ATP9B: variants seen among roughly 807,000 people sequenced by gnomAD.
The protein encoded by ATP9B is ATPase phospholipid transporting 9B.
ATP9B carries 110 observed loss-of-function variants against 146.1 expected under a neutral mutation model. The observed-to-expected ratio is 0.75, with a 90% CI of 0.65 to 0.88. The LOEUF (loss-of-function observed/expected upper bound fraction) is 0.88. Among genes scored for constraint, ATP9B ranks in the 40% least tolerant of loss-of-function variants. The pLI is 0.00. For missense variants in ATP9B, 1,499 were observed against 1,496.4 expected (o/e 1.00, Z -0.03); for synonymous variants, 604 against 569.7 (o/e 1.06, Z -0.86).
chr18:79,243,531 CAGA>C (rs1404889471), intron 11 of ATP9B, among the ~76,000 whole-genome samples: 2 of 152,176 alleles, frequency 1.3e-5, no homozygotes, highest in Non-Finnish European at 2.9e-5. Context: ...CCAAGAAACA[CAGA>C]AGGAGAGTGT....
intron 8 of ATP9B, among the ~76,000 whole-genome samples, chr18:79,178,032 G>A (rs932151131): frequency 6.6e-6 from 1 of 152,220 alleles, no homozygotes; most frequent in African/African-American, 2.4e-5. Context: ...GATTGGAGAG[G>A]TTGGGCAGTT....
intron 15 of ATP9B, among the ~76,000 whole-genome samples, chr18:79,322,449 G>A (rs1433121228): frequency 1.3e-5 from 2 of 152,198 alleles, no homozygotes; most frequent in Non-Finnish European, 2.9e-5. Context: ...CTCGGGGCAC[G>A]GTCAGGCAGC....
intron 21 of ATP9B, among the ~76,000 whole-genome samples, chr18:79,344,916 G>A (rs370457317): frequency 5.3e-5 from 8 of 152,306 alleles, no homozygotes; most frequent in South Asian, 2.1e-4. Flanking sequence ...GGTGGCCCCC[G>A]GCTGAGGGAA....
intron 12 of ATP9B, among the ~76,000 whole-genome samples, chr18:79,271,479 A>G (rs1206872278): frequency 6.6e-6 from 1 of 151,578 alleles, no homozygotes; most frequent in Non-Finnish European, 1.5e-5. Context: ...ATGAGTGAGA[A>G]CATGCGGTGT....
chr18:79,304,114 A>G (rs2096608254), intron 14 of ATP9B, among the ~76,000 whole-genome samples: 1 of 152,150 alleles, frequency 6.6e-6, no homozygotes, highest in East Asian at 1.9e-4. Flanking sequence ...TTTTCGGTAG[A>G]TAAAAGTAGA....
At chr18:79,302,755 A>G (rs2096599402) in intron 13 of ATP9B, among the ~76,000 whole-genome samples, 1 of 152,216 alleles carries the variant, frequency 6.6e-6, no homozygotes, top group Non-Finnish European at 1.5e-5. Context: ...TATCTTTCAC[A>G]GACCTCCTGT....
intron 13 of ATP9B, among the ~76,000 whole-genome samples, chr18:79,283,047 C>T (rs1481138499): frequency 1.3e-5 from 2 of 152,306 alleles, no homozygotes; most frequent in Non-Finnish European, 2.9e-5. Context: ...CTGGTGAAAC[C>T]AGTGCATGTA....
chr18:79,255,674 C>T (rs2096070401), intron 12 of ATP9B, among the ~76,000 whole-genome samples: 1 of 152,230 alleles, frequency 6.6e-6, no homozygotes, highest in South Asian at 2.1e-4. Context: ...GTGAGCCCCT[C>T]CTGACACTGC....
intron 5 of ATP9B, among the ~76,000 whole-genome samples, chr18:79,139,466 G>T (rs1007411693): frequency 6.6e-6 from 1 of 152,324 alleles, no homozygotes; most frequent in East Asian, 1.9e-4. Flanking sequence ...GGGACAGTAA[G>T]AATTTTTCAG....
intron 12 of ATP9B, chr18:79,254,872 G>A (rs1158325938): frequency 6.6e-6 from 1 of 152,338 alleles, no homozygotes; most frequent in African/African-American, 2.4e-5. Context: ...GGCTGCGTTT[G>A]TCTGCTCAGT....
chr18:79,163,775 T>TA (rs1388359193), intron 7 of ATP9B, among the ~76,000 whole-genome samples: 1 of 152,100 alleles, frequency 6.6e-6, no homozygotes, highest in Non-Finnish European at 1.5e-5. Context: ...TATATGTCTC[T>TA]AAAATCTCTA....
At chr18:79,210,443 GTC>G (rs2095573943) in intron 10 of ATP9B, among the ~76,000 whole-genome samples, 2 of 152,126 alleles carry the variant, frequency 1.3e-5, no homozygotes, top group Admixed American at 1.3e-4. Flanking sequence ...GTGTCTCTGT[GTC>G]TCAGCCATGT....
chr18:79,243,845 T>C (rs1254090202), intron 11 of ATP9B, among the ~76,000 whole-genome samples: 1 of 152,246 alleles, frequency 6.6e-6, no homozygotes, highest in Non-Finnish European at 1.5e-5. Flanking sequence ...TTTTCACTGA[T>C]ACTGTTTAGT....
At chr18:79,143,364 A>AT (rs1424241457) in intron 5 of ATP9B, among the ~76,000 whole-genome samples, 2 of 152,146 alleles carry the variant, frequency 1.3e-5, no homozygotes, top group Non-Finnish European at 2.9e-5. Flanking sequence ...ATAGAGGGTG[A>AT]TTTTACATAT....
chr18:79,134,867 T>C (rs2094429731), intron 5 of ATP9B, among the ~76,000 whole-genome samples: 1 of 152,186 alleles, frequency 6.6e-6, no homozygotes, highest in Non-Finnish European at 1.5e-5. Context: ...CTTTTGTGAT[T>C]TTTACTTTAA....
chr18:79,109,471 A>G (rs1052800172), intron 2 of ATP9B, among the ~76,000 whole-genome samples: 6 of 152,112 alleles, frequency 3.9e-5, no homozygotes, highest in Non-Finnish European at 5.9e-5. Context: ...TGCATAGATG[A>G]AGAGAGCTAT....
intron 11 of ATP9B, among the ~76,000 whole-genome samples, chr18:79,218,674 T>C (rs1387218259): frequency 6.6e-6 from 1 of 152,266 alleles, no homozygotes; most frequent in Non-Finnish European, 1.5e-5. Flanking sequence ...TGACAGCTCC[T>C]GTTGGTCATG....
intron 14 of ATP9B, 58 bp from the exon 15 acceptor site, chr18:79,306,928 T>A: frequency 6.4e-7 from 1 of 1,573,312 alleles, no homozygotes; most frequent in East Asian, 2.3e-5. Flanking sequence ...TAATTCCATG[T>A]TAACTAGATA....
At chr18:79,123,825 A>G (rs935449504) in intron 4 of ATP9B, among the ~76,000 whole-genome samples, 3 of 152,208 alleles carry the variant, frequency 2.0e-5, no homozygotes, top group Non-Finnish European at 2.9e-5. Flanking sequence ...TAACTCAACA[A>G]CTAAACCTAG....
Sources: gnomAD v4.1 joint callset for allele counts (sites outside exome capture counted in the v4.1 genomes callset) on GRCh38, gnomAD v4.1.1 for gene constraint, MANE v1.5 for transcripts, NCBI Gene and HGNC (gene_info 2026-07-23, HGNC 2026-07-21) for gene names.